The following PREP variants were observed in gnomAD, a reference collection of about 807,000 sequenced individuals.
PREP encodes prolyl endopeptidase.
PREP carries 29 observed loss-of-function variants against 87.6 expected under a neutral mutation model. The ratio of observed to expected loss-of-function variants is 0.33; its 90% CI spans 0.25 to 0.45. The LOEUF is 0.45. PREP is among the 20% of genes least tolerant of loss of function. The pLI, the probability that PREP is intolerant of heterozygous loss-of-function variation, is 1.00. For synonymous variants in PREP, 337 were observed against 328.6 expected, an observed-to-expected ratio of 1.03 and a Z score of -0.28; for missense variants, 695 against 886.5, an observed-to-expected ratio of 0.78 and a Z score of 2.74.
chr6:105,304,086 G>A (rs895271528), intron 10 of PREP, among the ~76,000 whole-genome samples: 1 of 152,124 alleles, frequency 6.6e-6, no homozygotes, highest in African/African-American at 2.4e-5. Context: ...CATCTGCAGA[G>A]TCAACCAATT....
chr6:105,336,727 T>C (rs117452982), intron 7 of PREP, among the ~76,000 whole-genome samples: 2,612 of 152,318 alleles, frequency 0.017, 88 homozygotes, highest in Admixed American at 0.083. Context: ...TTCCCCAGCT[T>C]TTCTAGTTGT....
chr6:105,303,831 C>T (rs2114628876), intron 10 of PREP, among the ~76,000 whole-genome samples: 1 of 152,304 alleles, frequency 6.6e-6, no homozygotes, highest in East Asian at 1.9e-4. Context: ...CTAAAGTTTC[C>T]ATACATTTAA....
chr6:105,375,970 G>C (rs577479688), intron 4 of PREP, among the ~76,000 whole-genome samples, 155 bp downstream of exon 4: 1 of 152,296 alleles, frequency 6.6e-6, no homozygotes, highest in South Asian at 2.1e-4. Flanking sequence ...TAAATATACT[G>C]TGCAAAAATT....
chr6:105,338,584 C>T (rs373039436), intron 7 of PREP, among the ~76,000 whole-genome samples: 1 of 152,192 alleles, frequency 6.6e-6, no homozygotes, highest in Non-Finnish European at 1.5e-5. Flanking sequence ...CGAAGCAGGG[C>T]GGGGCATCAC....
chr6:105,278,172 C>T lies in PREP; in HGVS notation c.2105G>A (p.Arg702Gln), dbSNP rs139931686. 6.1e-5 allele frequency: 98 copies of T among 1,613,024 alleles called. No individual in the cohort carries two copies. Among genetic ancestry groups the T allele is most frequent in the Admixed American group, 8.3e-5 (5 of 59,992 alleles). Residue 702 changes from arginine to glutamine, a missense_variant, in exon 15 of 15, where the codon CGG becomes CAG. This residue lies in a region of PREP where 121 missense variants were observed against 154.8 expected (regional missense o/e 0.78). Transcript: ENST00000652536. The surrounding 1 kb of genome is among the most constrained non-coding windows in gnomAD (Gnocchi z 4.2). ...TGGAATCCAGTCGACGTTCAGGCAC[C>T]GCGCGATGAACGCAAACATGTCTGA... Reference protein sequence around the residue: ...EVSDMFAFIARCLNVDWIP With the variant: ...EVSDMFAFIAQCLNVDWIP
At chr6:105,347,736 GAC>G (rs1376337213) in intron 7 of PREP, among the ~76,000 whole-genome samples, 1 of 152,126 alleles carries the variant, frequency 6.6e-6, no homozygotes, top group Non-Finnish European at 1.5e-5. Flanking sequence ...AATAAGGCCA[GAC>G]ACAGTGGCTC....
intron 6 of PREP, 95 bp downstream of exon 6, chr6:105,368,808 C>T (rs1772461382): frequency 7.1e-7 from 1 of 1,417,792 alleles, no homozygotes; most frequent in East Asian, 2.3e-5. Context: ...CATGGGACTT[C>T]TGCCATCCAT....
At chr6:105,307,238 C>G (rs1770674708) in intron 10 of PREP, among the ~76,000 whole-genome samples, 1 of 152,010 alleles carries the variant, frequency 6.6e-6, no homozygotes, top group South Asian at 2.1e-4. Context: ...ATTCAACTTC[C>G]TTTCCCTTCT....
intron 9 of PREP, among the ~76,000 whole-genome samples, chr6:105,328,298 G>GC (rs1771226248): frequency 6.7e-6 from 1 of 148,952 alleles, no homozygotes; most frequent in African/African-American, 2.5e-5. Flanking sequence ...TCACTCTGTT[G>GC]ACAGGCTGGA....
rs745648651 is a variant in PREP at position 105,402,816 on chromosome 6, G to C, written c.45+31C>G. On this transcript the variant is annotated intron_variant, in intron 1 of 14. Coordinates refer to ENST00000652536, the MANE Select transcript of PREP (RefSeq NM_002726.5). ...AGGCAGGCTGGGCACCTTTGCCCGG[G>C]AGCCCTCTGGGCGGAGGCAGAGATA... 3.3e-6 allele frequency: 5 copies of C among 1,532,824 alleles called. No homozygotes were observed. The South Asian group carries it at 6.1e-5, about 19-fold the overall frequency. The allele number at this position is 1,532,824 out of a possible 1,614,324, so 95.0% of individuals were successfully genotyped here.
At position 105,346,643 on chromosome 6, in the gene PREP, TC is replaced by T. The variant is rs922193220; in HGVS notation, c.823+6328del. 1.4e-4 allele frequency among the ~76,000 whole-genome samples: 21 copies of T among 152,186 alleles called. 1 individual carries two copies. Among genetic ancestry groups the T allele is most frequent in the African/African-American group, 5.1e-4 (21 of 41,460 alleles). ...CATGCACCTTTTCTCCCTAAACTCC[TC>T]ATAAATGCTGTGACATGAGAAAAGA... is the stretch of plus-strand genomic sequence containing the variant. On this transcript the variant is annotated intron_variant, in intron 7 of 14. Transcript: ENST00000652536.
chr6:105,397,446 A>C (rs1051427878), intron 2 of PREP, among the ~76,000 whole-genome samples: 4 of 152,176 alleles, frequency 2.6e-5, no homozygotes, highest in African/African-American at 9.6e-5. Flanking sequence ...GACAGTGTTC[A>C]GTTTTCATGA....
intron 6 of PREP, among the ~76,000 whole-genome samples, chr6:105,357,525 G>T (rs1008585309): frequency 6.6e-6 from 1 of 152,162 alleles, no homozygotes; most frequent in East Asian, 1.9e-4. Flanking sequence ...ACAATCTGGA[G>T]TTGCTCCATA....
At chr6:105,352,869 G>C (rs528914270) in intron 7 of PREP, 103 bp downstream of exon 7, 2 of 988,200 alleles carry the variant, frequency 2.0e-6, no homozygotes, top group East Asian at 4.8e-5. Flanking sequence ...ACATGATGTG[G>C]TAGAATGGAA....
chr6:105,312,053 G>A (rs1221043880), intron 10 of PREP, among the ~76,000 whole-genome samples: 1 of 152,108 alleles, frequency 6.6e-6, no homozygotes, highest in Non-Finnish European at 1.5e-5. Context: ...TTAAATTCTG[G>A]AATTGAATTA....
intron 4 of PREP, 137 bp downstream of exon 4, chr6:105,375,988 C>T: frequency 5.9e-6 from 6 of 1,023,132 alleles, no homozygotes; most frequent in Non-Finnish European, 8.1e-6. Flanking sequence ...ATTAGCTTTC[C>T]TGATATTGTA....
intron 10 of PREP, among the ~76,000 whole-genome samples, chr6:105,300,719 T>G (rs6899449): frequency 0.018 from 2,701 of 152,296 alleles, 77 homozygotes; most frequent in African/African-American, 0.062. Context: ...AGCACAACTT[T>G]CCAGAGGCAT....
intron 8 of PREP, among the ~76,000 whole-genome samples, chr6:105,332,812 T>C (rs1771373043): frequency 6.6e-6 from 1 of 152,242 alleles, no homozygotes; most frequent in Non-Finnish European, 1.5e-5. Flanking sequence ...GAGGTTAATG[T>C]AGTTCACTGC....
In PREP at chr6:105,362,368, C is replaced by T. The variant is rs146492726; in HGVS notation, c.717+6535G>A. On this transcript the variant is annotated intron_variant, in intron 6 of 14. Coordinates refer to ENST00000652536, the MANE Select transcript of PREP (RefSeq NM_002726.5). ...CCCAACTACTCGGGAGGCTGAGGGA[C>T]GAGAATCGCTTGAACCCAGGAGATG... is the stretch of plus-strand genomic sequence containing the variant. Among the ~76,000 whole-genome samples the T allele has an allele frequency of 6.8e-3, 1,042 of 152,270 alleles. 9 individuals carry two copies. The highest frequency in any genetic ancestry group is 0.023 in the African/African-American group (974 of 41,546).
Sources: gnomAD v4.1 joint callset for allele counts (sites outside exome capture counted in the v4.1 genomes callset) on GRCh38, gnomAD v4.1.1 for gene constraint, gnomAD v4.1.1 regional missense constraint, Gnocchi (gnomAD v3.1) non-coding constraint, MANE v1.5 for transcripts, NCBI Gene and HGNC (gene_info 2026-07-23, HGNC 2026-07-21) for gene names.